Variants in DPEP1 observed in about 807,000 individuals in gnomAD.
DPEP1 encodes the protein dipeptidase 1, also known as beta-lactamase.
In DPEP1, 50 loss-of-function variants were observed where a neutral mutation model predicts 42.3. The ratio of observed to expected loss-of-function variants is 1.18; its 90% CI spans 0.94 to 1.50. The LOEUF (loss-of-function observed/expected upper bound fraction) is 1.50. DPEP1 is among the 40% of genes most tolerant of loss of function. DPEP1 has a pLI of 0.00. For missense variants in DPEP1, 663 were observed against 553.0 expected, an observed-to-expected ratio of 1.20 and a Z score of -1.99; for synonymous variants, 297 against 234.0, an observed-to-expected ratio of 1.27 and a Z score of -2.46.
chr16:89,615,776 G>T (rs995442195), intron 1 of DPEP1, among the ~76,000 whole-genome samples: 8 of 152,234 alleles, frequency 5.3e-5, no homozygotes, highest in African/African-American at 1.9e-4. Context: ...GCAGCAGCCA[G>T]GCAGGCGGTC....
At position 89,637,455 on chromosome 16, in the gene DPEP1, C is replaced by A. The variant is rs1323267754; in HGVS notation, c.769-13C>A. On this transcript the variant is annotated splice_polypyrimidine_tract_variant and intron_variant, in intron 7 of 10. Coordinates refer to ENST00000690203, the MANE Select transcript of DPEP1 (RefSeq NM_001389466.1). ...CCAGCTCTCAGCTTCACCCTGTCTT[C>A]CTTCTTGTGCAGAAACAGACAGACA... 6.2e-7 allele frequency: 1 copy of A among 1,612,846 alleles called. No individual in the cohort carries two copies. Among genetic ancestry groups the A allele is most frequent in the South Asian group, 1.1e-5 (1 of 91,090 alleles).
intron 1 of DPEP1, among the ~76,000 whole-genome samples, chr16:89,621,343 T>C (rs1018486094): frequency 1.3e-5 from 2 of 149,692 alleles, no homozygotes; most frequent in Non-Finnish European, 3.0e-5. Flanking sequence ...GCCACCAGCC[T>C]CAGGGTGGGC....
intron 3 of DPEP1, 59 bp from the exon 4 acceptor site, chr16:89,636,205 T>C (rs1388640377): frequency 2.5e-6 from 4 of 1,568,700 alleles, no homozygotes; most frequent in African/African-American, 1.3e-5. Context: ...CCCACAGGCA[T>C]GCGGGGGGTG....
rs560843084 is a variant in DPEP1, at chr16:89,622,812, A to T, written c.-106-7493A>T. Among the ~76,000 whole-genome samples, 17 of 151,716 alleles carry T rather than the reference A, an allele frequency of 1.1e-4. No individual in the cohort carries two copies. In the South Asian group the frequency reaches 1.9e-3, roughly 17 times the overall value. On this transcript the variant is annotated intron_variant, in intron 1 of 10. Coordinates refer to ENST00000690203, the MANE Select transcript of DPEP1 (RefSeq NM_001389466.1). ...AAAAAAAAAAACACACTCGTCAGAC[A>T]ATAGAAAGTCTCCGCTGCAGGCAAA...
At chr16:89,621,608 G>T in intron 1 of DPEP1, among the ~76,000 whole-genome samples, 1 of 152,218 alleles carries the variant, frequency 6.6e-6, no homozygotes. Flanking sequence ...CTCTGTGCCA[G>T]GCCCCATGGG....
At chr16:89,626,690 C>G (rs966812351) in intron 1 of DPEP1, among the ~76,000 whole-genome samples, 1 of 151,894 alleles carries the variant, frequency 6.6e-6, no homozygotes, top group Non-Finnish European at 1.5e-5. Context: ...GCAGTCCCCC[C>G]CTCAAACTCT....
At position 89,636,695 on chromosome 16, in the gene DPEP1, C is replaced by T. The variant is rs752267589; in HGVS notation, c.521+12C>T. The stretch of plus-strand genomic sequence containing the variant: ...TGCAACACGCCCTGGTGCGTGACTC[C>T]CCATGGGAGGCCCCCGGGCTGTGGT... On this transcript the variant is annotated intron_variant, in intron 5 of 10. Coordinates refer to ENST00000690203, the MANE Select transcript of DPEP1 (RefSeq NM_001389466.1). The T allele has an allele frequency of 7.4e-6, 12 of 1,611,856 alleles. No homozygotes were observed. Among genetic ancestry groups the T allele is most frequent in the African/African-American group, 1.3e-5 (1 of 75,058 alleles).
chr16:89,626,657 G>C (rs898667353), intron 1 of DPEP1, among the ~76,000 whole-genome samples: 1 of 152,056 alleles, frequency 6.6e-6, no homozygotes, highest in East Asian at 1.9e-4. Context: ...CCCAGCCTAA[G>C]ATCTGGTTTT....
At chr16:89,638,437 T>C (rs2059713048), downstream of DPEP1, 4 of 1,324,226 alleles carry the variant, frequency 3.0e-6, no homozygotes, top group Non-Finnish European at 3.8e-6. Context: ...CTTCACATCC[T>C]GGGGTACGTG....
chr16:89,637,792 T>C, intron 9 of DPEP1, 44 bp from the exon 10 acceptor site: 2 of 1,612,510 alleles, frequency 1.2e-6, no homozygotes, highest in Non-Finnish European at 1.7e-6. Flanking sequence ...AGGAGGGACC[T>C]GTGTCCTAGT....
chr16:89,631,677 G>A (rs916641803), intron 2 of DPEP1, among the ~76,000 whole-genome samples: 5 of 152,146 alleles, frequency 3.3e-5, no homozygotes, highest in African/African-American at 7.2e-5. Context: ...CCAACATGGC[G>A]AAACCCTGTC....
At chr16:89,636,212 G>A (rs2070992) in intron 3 of DPEP1, 52 bp from the exon 4 acceptor site, 23 of 1,574,294 alleles carry the variant, frequency 1.5e-5, no homozygotes, top group Non-Finnish European at 1.9e-5. Context: ...GCATGCGGGG[G>A]GTGGGCTGAG....
Position 89,637,934 on chromosome 16 carries a change from C to G in DPEP1, c.1028C>G (p.Ala343Gly), listed in dbSNP as rs767308355. ...GAGGCGGAGGTCAAGGGCGCACTGG[C>G]TGACAACCTGCTGAGGGTCTTCGAG... is the stretch of plus-strand genomic sequence containing the variant. ...WTEAEVKGALADNLLRVFEAV... is the reference protein window; with the variant it reads ...WTEAEVKGALGDNLLRVFEAV... Residue 343 changes from alanine to glycine, a missense_variant, in exon 10 of 11, where the codon GCT (alanine) becomes GGT (glycine). By Grantham distance (60) the Ala-to-Gly change is moderately conservative. Coordinates refer to ENST00000690203, the MANE Select transcript of DPEP1 (RefSeq NM_001389466.1). The G allele has an allele frequency of 6.2e-7, 1 of 1,610,718 alleles. No homozygotes were observed. Among genetic ancestry groups the G allele is most frequent in the Non-Finnish European group, 8.5e-7 (1 of 1,178,998 alleles).
downstream of DPEP1, chr16:89,640,527 A>G: frequency 7.2e-6 from 7 of 977,024 alleles, no homozygotes; most frequent in Non-Finnish European, 8.5e-6. Flanking sequence ...TGAAGCCTCC[A>G]GAAGGGACGC....
intron 2 of DPEP1, among the ~76,000 whole-genome samples, chr16:89,631,218 G>A (rs1022567482): frequency 2.6e-5 from 4 of 152,112 alleles, no homozygotes; most frequent in African/African-American, 7.2e-5. Context: ...CCTGTGCTGC[G>A]CTGTGTGCCC....
At chr16:89,626,788 A>G (rs2059519068) in intron 1 of DPEP1, among the ~76,000 whole-genome samples, 1 of 151,878 alleles carries the variant, frequency 6.6e-6, no homozygotes, top group Non-Finnish European at 1.5e-5. Context: ...AGCCATGTGG[A>G]ACTGTGAGTC....
At chr16:89,625,644 G>T (rs895813146) in intron 1 of DPEP1, among the ~76,000 whole-genome samples, 5 of 152,180 alleles carry the variant, frequency 3.3e-5, no homozygotes, top group African/African-American at 1.2e-4. Flanking sequence ...TTGGAAGATG[G>T]AAGATAAGGG....
At chr16:89,622,615 C>G (rs568090785) in intron 1 of DPEP1, among the ~76,000 whole-genome samples, 1 of 152,200 alleles carries the variant, frequency 6.6e-6, no homozygotes, top group East Asian at 1.9e-4. Context: ...GAAACCCTGT[C>G]TCTACTAAAA....
intron 1 of DPEP1, among the ~76,000 whole-genome samples, chr16:89,617,370 C>T (rs537815049): frequency 6.6e-6 from 1 of 152,278 alleles, no homozygotes; most frequent in South Asian, 2.1e-4. Flanking sequence ...GCCACAGGAG[C>T]TCCCTCAGCA....
Sources: allele counts gnomAD v4.1 joint callset (sites outside exome capture counted in the v4.1 genomes callset), GRCh38; gene constraint gnomAD v4.1.1; transcripts MANE v1.5; gene names NCBI Gene and HGNC (gene_info 2026-07-23, HGNC 2026-07-21).